Variants in BCL11B observed in about 807,000 individuals in gnomAD.
BCL11B encodes BCL11 transcription factor B, also known as B-cell lymphoma/leukemia 11B.
A neutral mutation model predicts 49.9 loss-of-function variants in BCL11B; 8 were observed. The observed-to-expected ratio is 0.16, with a 90% CI of 0.09 to 0.29. BCL11B has a LOEUF of 0.29. BCL11B is among the 10% of genes least tolerant of loss of function. BCL11B has a pLI of 1.00. For synonymous variants in BCL11B, 739 were observed against 637.4 expected, an observed-to-expected ratio of 1.16 and a Z score of -2.40; for missense variants, 1,006 against 1,351.0, an observed-to-expected ratio of 0.74 and a Z score of 4.00.
chr14:99,199,970 G>GA lies in BCL11B; in HGVS notation c.641-23776dup, dbSNP rs368031471. Among the ~76,000 whole-genome samples the GA allele has an allele frequency of 6.0e-4, 88 of 147,002 alleles. 1 individual carries two copies. The highest frequency in any genetic ancestry group is 1.8e-3 in the African/African-American group (72 of 40,052). On this transcript the variant is annotated intron_variant, in intron 3 of 3. Transcript: ENST00000357195. The stretch of plus-strand genomic sequence containing the variant: ...TTAATAATACAGCGTGCCTGGGAAG[G>GA]AAAAAAAAAACCTCACCAGTTCTGT...
chr14:99,177,002 C>A (rs527580003), intron 3 of BCL11B, among the ~76,000 whole-genome samples: 1 of 152,042 alleles, frequency 6.6e-6, no homozygotes, highest in African/African-American at 2.4e-5. Context: ...GTGTTTCCTA[C>A]ACCACCGTCT....
chr14:99,248,774 T>A lies in BCL11B; in HGVS notation c.427+8697A>T, dbSNP rs1888918202. Among the ~76,000 whole-genome samples, 2 of 152,054 alleles carry A rather than the reference T, an allele frequency of 1.3e-5. No individual in the cohort carries two copies. Among genetic ancestry groups the A allele is most frequent in the Admixed American group, 1.3e-4 (2 of 15,276 alleles). On this transcript the variant is annotated intron_variant, in intron 2 of 3. Coordinates refer to ENST00000357195, the MANE Select transcript of BCL11B (RefSeq NM_138576.4). The surrounding 1 kb of genome is among the most constrained non-coding windows in gnomAD (Gnocchi z 4.7). ...GTGGGAAAGGAATTGAGGTGGGAAATGCACGACCTTCTGCCTGGCTCTTGC... is the reference window on the plus strand; with the variant it reads ...GTGGGAAAGGAATTGAGGTGGGAAAAGCACGACCTTCTGCCTGGCTCTTGC...
At chr14:99,235,817 T>C (rs1023496729) in intron 2 of BCL11B, among the ~76,000 whole-genome samples, 1 of 152,138 alleles carries the variant, frequency 6.6e-6, no homozygotes, top group African/African-American at 2.4e-5. Flanking sequence ...GAGAAATTTA[T>C]TCTTGCATTG....
chr14:99,198,993 C>T (rs1566805919), intron 3 of BCL11B, among the ~76,000 whole-genome samples: 1 of 152,086 alleles, frequency 6.6e-6, no homozygotes, highest in East Asian at 1.9e-4. Flanking sequence ...CGGCGAGGGA[C>T]GCTTTGCGCG....
Position 99,221,270 on chromosome 14 carries a change from C to T in BCL11B, c.640+10075G>A, listed in dbSNP as rs140490368. Among the ~76,000 whole-genome samples the T allele has an allele frequency of 5.8e-3, 890 of 152,342 alleles. 4 individuals are homozygous for T. The highest frequency in any genetic ancestry group is 0.011 in the Non-Finnish European group (724 of 68,036). ...AACTGGTTAAATACAACACCAAGAG[C>T]AGACTCACGCACCCAGTGGGCCTTG... On this transcript the variant is annotated intron_variant, in intron 3 of 3. Coordinates refer to ENST00000357195, the MANE Select transcript of BCL11B (RefSeq NM_138576.4).
intron 3 of BCL11B, among the ~76,000 whole-genome samples, chr14:99,191,065 C>T (rs1008296151): frequency 6.6e-6 from 1 of 152,178 alleles, no homozygotes. Context: ...AAAATAGATA[C>T]TAATATTCCC....
chr14:99,174,795 G>C lies in BCL11B; in HGVS notation c.2041C>G (p.Leu681Val). ...RKPAPLPSPG[L>V]NSAAKRIKVE... Reference sequence around the variant, plus strand: ...TTGATGCGCTTGGCGGCGCTGTTGAGCCCGGGGCTGGGCAGCGGCGCGGGC... The same window carrying C: ...TTGATGCGCTTGGCGGCGCTGTTGACCCCGGGGCTGGGCAGCGGCGCGGGC... The change falls in exon 4 of 4, where the codon CTC (leucine) becomes GTC (valine). Residue 681 changes from leucine to valine, a missense_variant. Leu to Val is a conservative substitution (Grantham distance 32). Transcript: ENST00000357195. 6.9e-7 allele frequency: 1 copy of C among 1,442,450 alleles called. No individual in the cohort carries two copies. Among genetic ancestry groups the C allele is most frequent in the Non-Finnish European group, 9.1e-7 (1 of 1,098,404 alleles). 89.4% of individuals were successfully genotyped at this position (1,442,450 alleles called of 1,614,324 possible). A position where few individuals can be genotyped will look rare whatever the true frequency, so the allele number is the denominator to read the frequency against.
Position 99,232,277 on chromosome 14 carries a change from A to T in BCL11B, c.428-720T>A, listed in dbSNP as rs1888362530. Reference sequence around the variant, plus strand: ...GGAGGCCTCCCGCCATGTGACAGCAAGGACACAGGGCCAGGGCCGGCCCCG... The same window carrying T: ...GGAGGCCTCCCGCCATGTGACAGCATGGACACAGGGCCAGGGCCGGCCCCG... On this transcript the variant is annotated intron_variant, in intron 2 of 3. Transcript: ENST00000357195. The surrounding 1 kb of genome is among the most constrained non-coding windows in gnomAD (Gnocchi z 5.1). Among the ~76,000 whole-genome samples, 1 of 152,018 alleles carries T rather than the reference A, an allele frequency of 6.6e-6. No homozygotes were observed. The highest frequency in any genetic ancestry group is 1.5e-5 in the Non-Finnish European group (1 of 67,962).
chr14:99,178,238 T>C lies in BCL11B; in HGVS notation c.641-2043A>G, dbSNP rs898998980. Among the ~76,000 whole-genome samples the C allele has an allele frequency of 7.2e-5, 11 of 152,276 alleles. No individual in the cohort carries two copies. In the South Asian group the frequency reaches 1.5e-3, roughly 20 times the overall value. ...TGTGTGTTTGGTGATGAGAAGACGG[T>C]GGTAGGGAGGACAGAAATGAAAAAG... On this transcript the variant is annotated intron_variant, in intron 3 of 3. Coordinates refer to ENST00000357195, the MANE Select transcript of BCL11B (RefSeq NM_138576.4).
chr14:99,271,124 A>G, intron 1 of BCL11B, 37 bp downstream of exon 1: 1 of 1,522,568 alleles, frequency 6.6e-7, no homozygotes, highest in Non-Finnish European at 8.8e-7. Flanking sequence ...CCGGAGCCCC[A>G]TCTCCGGCCC....
chr14:99,198,815 C>T (rs1887256509), intron 3 of BCL11B, among the ~76,000 whole-genome samples: 1 of 152,150 alleles, frequency 6.6e-6, no homozygotes, highest in Admixed American at 6.5e-5. Context: ...CAGCAAAAAA[C>T]TTTCCACTTA....
Position 99,231,799 on chromosome 14 carries a change from G to A in BCL11B, c.428-242C>T, listed in dbSNP as rs1004523810. ...TCCACAGCTGCCAGGCTGGGCTGTC[G>A]GGGAGGCAGGACCCCGCCTCTGGGG... On this transcript the variant is annotated intron_variant, in intron 2 of 3. Transcript: ENST00000357195. This position sits in a 1 kb window ranked among gnomAD's most constrained non-coding sequence, Gnocchi z 8.1. Among the ~76,000 whole-genome samples the A allele has an allele frequency of 1.3e-5, 2 of 152,032 alleles. No individual in the cohort carries two copies. The highest frequency in any genetic ancestry group is 1.5e-5 in the Non-Finnish European group (1 of 67,950).
At chr14:99,256,608 A>C (rs1205928519) in intron 2 of BCL11B, among the ~76,000 whole-genome samples, 1 of 152,170 alleles carries the variant, frequency 6.6e-6, no homozygotes, top group Admixed American at 6.5e-5. Flanking sequence ...TCTGGTTTGC[A>C]CAGAGAGCAG....
Position 99,237,479 on chromosome 14 carries a change from C to G in BCL11B, c.428-5922G>C, listed in dbSNP as rs571451468. 4.6e-5 allele frequency among the ~76,000 whole-genome samples: 7 copies of G among 152,262 alleles called. No individual in the cohort carries two copies. In the South Asian group the frequency reaches 1.5e-3, roughly 32 times the overall value. On this transcript the variant is annotated intron_variant, in intron 2 of 3. Coordinates refer to ENST00000357195, the MANE Select transcript of BCL11B (RefSeq NM_138576.4). ...GGCTCAGCTCACTGCCCCAGAGCAT[C>G]TGGGGGACCTAGAAATGCCAGGCAG...
Position 99,213,254 on chromosome 14 carries a change from G to T in BCL11B, c.640+18091C>A, listed in dbSNP as rs1022305941. On this transcript the variant is annotated intron_variant, in intron 3 of 3. Coordinates refer to ENST00000357195, the MANE Select transcript of BCL11B (RefSeq NM_138576.4). The surrounding 1 kb of genome is among the most constrained non-coding windows in gnomAD (Gnocchi z 5.1). Reference sequence around the variant, plus strand: ...GAGCCCCGGAGGCTCGGCCGACCTGGGTGTGCCAGCACAAAAGAGGATGAA... The same window carrying T: ...GAGCCCCGGAGGCTCGGCCGACCTGTGTGTGCCAGCACAAAAGAGGATGAA... Among the ~76,000 whole-genome samples the T allele has an allele frequency of 6.6e-6, 1 of 152,150 alleles. No homozygotes were observed. The highest frequency in any genetic ancestry group is 1.5e-5 in the Non-Finnish European group (1 of 68,038).
chr14:99,244,938 G>A (rs1344059571), intron 2 of BCL11B, among the ~76,000 whole-genome samples: 9 of 152,118 alleles, frequency 5.9e-5, no homozygotes, highest in African/African-American at 1.2e-4. Flanking sequence ...AATTCTGCCT[G>A]GTTTAGATTT....
intron 2 of BCL11B, among the ~76,000 whole-genome samples, chr14:99,249,366 G>A (rs753531484): frequency 2.0e-5 from 3 of 152,124 alleles, no homozygotes; most frequent in Non-Finnish European, 4.4e-5. Flanking sequence ...CGTGTGCCAT[G>A]GTGGTTTGCT....
intron 2 of BCL11B, among the ~76,000 whole-genome samples, chr14:99,239,030 A>G (rs1382191422): frequency 5.9e-5 from 9 of 152,338 alleles, no homozygotes; most frequent in Admixed American, 5.9e-4. Context: ...CTCATCTATC[A>G]GCAACGTGGA....
chr14:99,193,453 G>C (rs1161060896), intron 3 of BCL11B, among the ~76,000 whole-genome samples: 1 of 151,956 alleles, frequency 6.6e-6, no homozygotes, highest in African/African-American at 2.4e-5. Flanking sequence ...AGGGCAGAAT[G>C]TTAAAAGGAA....
Sources: gnomAD v4.1 joint callset for allele counts (sites outside exome capture counted in the v4.1 genomes callset) on GRCh38, gnomAD v4.1.1 for gene constraint, Gnocchi (gnomAD v3.1) non-coding constraint, MANE v1.5 for transcripts, NCBI Gene and HGNC (gene_info 2026-07-23, HGNC 2026-07-21) for gene names.